Variants in STXBP4 observed in about 807,000 individuals in gnomAD.
The protein encoded by STXBP4 is syntaxin-binding protein 4.
A neutral mutation model predicts 76.1 loss-of-function variants in STXBP4; 55 were observed. The observed-to-expected ratio is 0.72, with a 90% CI of 0.58 to 0.91. The LOEUF is 0.91. Among genes scored for constraint, STXBP4 ranks in the 40% least tolerant of loss-of-function variants. The pLI, the probability that STXBP4 is intolerant of heterozygous loss-of-function variation, is 0.00. For missense variants in STXBP4, 618 were observed against 636.9 expected, an observed-to-expected ratio of 0.97 and a Z score of 0.32; for synonymous variants, 201 against 220.2, an observed-to-expected ratio of 0.91 and a Z score of 0.77.
chr17:55,003,925 A>G (rs1335274305), intron 7 of STXBP4, among the ~76,000 whole-genome samples: 2 of 152,116 alleles, frequency 1.3e-5, no homozygotes. Flanking sequence ...TAATCCCAGA[A>G]CTTTGGGAGG....
At position 55,002,441 on chromosome 17, in the gene STXBP4, T is replaced by G. The variant is rs561724617; in HGVS notation, c.574+1558T>G. On this transcript the variant is annotated intron_variant, in intron 7 of 17. Coordinates refer to ENST00000376352, the MANE Select transcript of STXBP4 (RefSeq NM_178509.6). ...GTGAAATAAAACATGGGGCTAAAAA[T>G]TATAATTATTGAAATTAGGAAACAT... Among the ~76,000 whole-genome samples, 44 of 152,268 alleles carry G rather than the reference T, an allele frequency of 2.9e-4. 1 individual carries two copies. The highest frequency in any genetic ancestry group is 6.8e-3 in the Middle Eastern group (2 of 292).
rs535568619 is a variant in STXBP4 at position 55,073,392 on chromosome 17, A to C, written c.1188+316A>C. 2.6e-5 allele frequency among the ~76,000 whole-genome samples: 4 copies of C among 152,240 alleles called. No individual in the cohort carries two copies. The East Asian group carries it at 7.7e-4, about 29-fold the overall frequency. On this transcript the variant is annotated intron_variant, in intron 13 of 17. Transcript: ENST00000376352. ...ATTGGTTTTTTTCTTTTGTTTCTAA[A>C]CCTGCTAATTTGTTTTATGGGAATG...
Position 55,119,873 on chromosome 17 carries a change from G to T in STXBP4, c.1490-21437G>T, listed in dbSNP as rs186552500. ...ATTTAAATACCTCAAACAAAAAAAT[G>T]AGTCTTTGGATATTTTGAATTTTCT... On this transcript the variant is annotated intron_variant, in intron 16 of 17. Coordinates refer to ENST00000376352, the MANE Select transcript of STXBP4 (RefSeq NM_178509.6). Among the ~76,000 whole-genome samples the T allele has an allele frequency of 8.6e-5, 13 of 152,024 alleles. No homozygotes were observed. The East Asian group carries it at 1.9e-3, about 23-fold the overall frequency.
intron 1 of STXBP4, among the ~76,000 whole-genome samples, chr17:54,978,650 A>G (rs2077505024): frequency 2.0e-5 from 3 of 152,186 alleles, no homozygotes; most frequent in South Asian, 2.1e-4. Flanking sequence ...TTAGATGCCA[A>G]GAAGGTACAC....
intron 1 of STXBP4, among the ~76,000 whole-genome samples, chr17:54,977,958 C>T (rs1212790162): frequency 6.6e-6 from 1 of 152,132 alleles, no homozygotes; most frequent in Non-Finnish European, 1.5e-5. Flanking sequence ...TCATTGTGCC[C>T]TCTTCCTCTT....
At chr17:55,205,999 A>C in the STXBP4 span, among the ~76,000 whole-genome samples, 11 of 152,226 alleles carry the variant, frequency 7.2e-5, no homozygotes, top group Non-Finnish European at 1.5e-4. Flanking sequence ...TCGTGAATAT[A>C]TTAAATAGTA....
At chr17:54,996,804 G>T (rs1023153193) in intron 4 of STXBP4, among the ~76,000 whole-genome samples, 11 of 152,212 alleles carry the variant, frequency 7.2e-5, no homozygotes, top group African/African-American at 2.7e-4. Context: ...AGTTAGTTAA[G>T]TCAGAATTAG....
chr17:55,006,101 CACTT>C (rs896962850), intron 7 of STXBP4, among the ~76,000 whole-genome samples: 2 of 151,942 alleles, frequency 1.3e-5, no homozygotes, highest in Non-Finnish European at 2.9e-5. Context: ...AAAGGAGATT[CACTT>C]ACTTTTATCA....
In STXBP4 at chr17:55,081,140, T is replaced by A. The variant is rs1194730303; in HGVS notation, c.1446T>A (p.Ser482=). The change falls in exon 16 of 18, where the codon TCT becomes TCA. Residue 482 remains serine (S), a synonymous_variant. Transcript: ENST00000376352. ...TCCCAGCAACGCTGGCGCTTGAATC[T>A]AAGGAACTTGTTAAATCTGTTCGTG... The part of the protein sequence containing the change: ...RSIPATLALE[S]KELVKSVRAL... 6.5e-7 allele frequency: 1 copy of A among 1,549,054 alleles called. No individual in the cohort carries two copies. The highest frequency in any genetic ancestry group is 1.4e-5 in the African/African-American group (1 of 70,914).
At chr17:55,023,825 C>G (rs929810350) in intron 8 of STXBP4, among the ~76,000 whole-genome samples, 1 of 144,032 alleles carries the variant, frequency 6.9e-6, no homozygotes, top group Admixed American at 7.4e-5. Context: ...TCAGTTTTAA[C>G]ATGGCCTCAA....
At chr17:55,029,875 G>C (rs1426847794) in intron 8 of STXBP4, among the ~76,000 whole-genome samples, 1 of 152,030 alleles carries the variant, frequency 6.6e-6, no homozygotes, top group Non-Finnish European at 1.5e-5. Flanking sequence ...TAGTTTAGTG[G>C]CTGACAAATA....
At chr17:54,988,469 A>G (rs1438959967) in intron 3 of STXBP4, among the ~76,000 whole-genome samples, 14 of 152,080 alleles carry the variant, frequency 9.2e-5, no homozygotes, top group Non-Finnish European at 2.1e-4. Flanking sequence ...GCAATCTACC[A>G]TCCTGTAAAG....
chr17:55,173,458 A>G lies in STXBP4; in HGVS notation c.*13547A>G, dbSNP rs1488805361. ...CTGAGACAGGCTTCTTTCACCCAGC[A>G]TAATGCCTTTGAGATTCATCCAGAT... On this transcript the variant is annotated 3_prime_UTR_variant, in exon 18 of 18. Transcript: ENST00000376352. The G allele has an allele frequency of 6.6e-6, 1 of 152,242 alleles. No homozygotes were observed. Among genetic ancestry groups the G allele is most frequent in the African/African-American group, 2.4e-5 (1 of 41,452 alleles). 9.4% of individuals were successfully genotyped at this position (152,242 alleles called of 1,614,324 possible).
intron 12 of STXBP4, among the ~76,000 whole-genome samples, chr17:55,049,682 T>G (rs2078834544): frequency 6.6e-6 from 1 of 151,934 alleles, no homozygotes; most frequent in African/African-American, 2.4e-5. Context: ...CACAATAATT[T>G]CAACATAAGA....
At chr17:55,074,071 C>G (rs1348753309) in intron 13 of STXBP4, among the ~76,000 whole-genome samples, 1 of 152,106 alleles carries the variant, frequency 6.6e-6, no homozygotes, top group Non-Finnish European at 1.5e-5. Context: ...AATATTCATA[C>G]ATTTGTTCAC....
the STXBP4 span, among the ~76,000 whole-genome samples, chr17:55,209,520 C>T: frequency 1.3e-5 from 2 of 152,212 alleles, no homozygotes; most frequent in South Asian, 4.1e-4. Flanking sequence ...CCTCACTTTC[C>T]TCATCTGTCC....
At chr17:55,031,880 G>T (rs2078515340) in intron 9 of STXBP4, among the ~76,000 whole-genome samples, 1 of 152,144 alleles carries the variant, frequency 6.6e-6, no homozygotes, top group Non-Finnish European at 1.5e-5. Flanking sequence ...TCAAGCCTAT[G>T]TTGTTCAGGG....
chr17:55,153,671 C>G (rs905858292), intron 17 of STXBP4, among the ~76,000 whole-genome samples: 1 of 152,076 alleles, frequency 6.6e-6, no homozygotes, highest in African/African-American at 2.4e-5. Flanking sequence ...AAGTGAACAC[C>G]TGTATGGCTT....
intron 16 of STXBP4, among the ~76,000 whole-genome samples, chr17:55,088,048 T>G (rs188593035): frequency 2.0e-4 from 30 of 152,346 alleles, no homozygotes; most frequent in African/African-American, 7.0e-4. Flanking sequence ...TTTAGAAATA[T>G]AATTGCTAAT....
Sources: allele counts gnomAD v4.1 joint callset (sites outside exome capture counted in the v4.1 genomes callset), GRCh38; gene constraint gnomAD v4.1.1; transcripts MANE v1.5; gene names NCBI Gene and HGNC (gene_info 2026-07-23, HGNC 2026-07-21).